The following ACSS3 variants were observed in gnomAD, a reference collection of about 807,000 sequenced individuals.
ACSS3 encodes acyl-CoA synthetase short-chain family member 3, mitochondrial.
In ACSS3, 64 loss-of-function variants were observed where a neutral mutation model predicts 84.2. The observed-to-expected ratio is 0.76, with a 90% CI of 0.62 to 0.94. ACSS3 has a LOEUF of 0.94. Ranked by LOEUF, ACSS3 falls within the 40% of genes least tolerant of loss-of-function variation. The pLI, the probability that ACSS3 is intolerant of heterozygous loss-of-function variation, is 0.00. For missense variants in ACSS3, 815 were observed against 867.6 expected (o/e 0.94, Z 0.76); for synonymous variants, 317 against 310.1 (o/e 1.02, Z -0.23).
rs1157157928 is a variant in ACSS3, at chr12:81,254,961, C to CTT, written c.*40_*41dup. 8 of 1,450,016 alleles carry CTT rather than the reference C, an allele frequency of 5.5e-6. No individual in the cohort carries two copies. Among genetic ancestry groups the CTT allele is most frequent in the Admixed American group, 4.4e-5 (2 of 45,036 alleles). The allele number at this position is 1,450,016 out of a possible 1,614,324, so 89.8% of individuals were successfully genotyped here. A position where few individuals can be genotyped will look rare whatever the true frequency, so the allele number is the denominator to read the frequency against. ...TTCCTATTTTGAGTTGATTTAATTT[C>CTT]TTAATTGAAATTAAATTATTTGAGT... is the stretch of plus-strand genomic sequence containing the variant. On this transcript the variant is annotated 3_prime_UTR_variant, in exon 16 of 16. Coordinates refer to ENST00000548058, the MANE Select transcript of ACSS3 (RefSeq NM_024560.4).
chr12:81,141,271 A>G (rs1448183331), intron 4 of ACSS3, among the ~76,000 whole-genome samples: 2 of 152,090 alleles, frequency 1.3e-5, no homozygotes, highest in Admixed American at 6.6e-5. Context: ...TGTTCTTTCT[A>G]TTAGACCTGC....
At chr12:81,105,849 A>G (rs1882947451) in intron 1 of ACSS3, among the ~76,000 whole-genome samples, 1 of 152,182 alleles carries the variant, frequency 6.6e-6, no homozygotes. Context: ...CAATGTTCTA[A>G]GTTAAGCTGT....
chr12:81,160,586 G>T (rs1460763954), intron 7 of ACSS3, among the ~76,000 whole-genome samples: 1 of 152,204 alleles, frequency 6.6e-6, no homozygotes, highest in African/African-American at 2.4e-5. Flanking sequence ...TCATTAAAAT[G>T]AGAGGGTTGA....
intron 9 of ACSS3, chr12:81,199,883 T>TC (rs2032023411): frequency 3.0e-6 from 1 of 335,296 alleles, no homozygotes. Flanking sequence ...TGCACACTGC[T>TC]CCCAGAGTCC....
At chr12:81,253,040 C>A (rs945574714) in intron 13 of ACSS3, among the ~76,000 whole-genome samples, 1 of 152,112 alleles carries the variant, frequency 6.6e-6, no homozygotes, top group Admixed American at 6.5e-5. Context: ...CCTTACTTTC[C>A]AGGTTAGCTG....
intron 13 of ACSS3, among the ~76,000 whole-genome samples, chr12:81,241,243 C>T (rs2033793327): frequency 6.6e-6 from 1 of 152,058 alleles, no homozygotes; most frequent in African/African-American, 2.4e-5. Flanking sequence ...CATTATTGGA[C>T]ATTTGGGTTG....
At chr12:81,200,321 A>G (rs528734452) in intron 9 of ACSS3, among the ~76,000 whole-genome samples, 1 of 152,278 alleles carries the variant, frequency 6.6e-6, no homozygotes, top group Admixed American at 6.5e-5. Context: ...TACATATTTT[A>G]TTTTAGTCCC....
chr12:81,188,739 A>G (rs1386544942), intron 8 of ACSS3, among the ~76,000 whole-genome samples: 2 of 152,064 alleles, frequency 1.3e-5, no homozygotes, highest in African/African-American at 4.8e-5. Context: ...CTTTATGAGT[A>G]TTTCAGTTTA....
intron 5 of ACSS3, among the ~76,000 whole-genome samples, chr12:81,147,606 G>A (rs1408098476): frequency 6.6e-6 from 1 of 152,126 alleles, no homozygotes. Context: ...TTTTTGCAAT[G>A]TCTTGAAGTA....
At chr12:81,161,927 T>G (rs990198739) in intron 7 of ACSS3, among the ~76,000 whole-genome samples, 6 of 152,160 alleles carry the variant, frequency 3.9e-5, no homozygotes, top group African/African-American at 1.4e-4. Context: ...TGGTGGCACA[T>G]GGAAGCTTGG....
chr12:81,213,957 C>CTCTT (rs59556127), intron 9 of ACSS3, among the ~76,000 whole-genome samples: 2,032 of 49,020 alleles, frequency 0.041, 80 homozygotes, highest in South Asian at 0.075. Flanking sequence ...CTCCCTCTCT[C>CTCTT]TCTTTCTTTC....
At chr12:81,238,336 A>G (rs554706357) in intron 13 of ACSS3, among the ~76,000 whole-genome samples, 3 of 151,792 alleles carry the variant, frequency 2.0e-5, no homozygotes, top group Non-Finnish European at 3.0e-5. Context: ...AACTTATTCT[A>G]TGGGGCCAGC....
At chr12:81,181,177 C>G (rs1383742458) in intron 8 of ACSS3, among the ~76,000 whole-genome samples, 1 of 152,118 alleles carries the variant, frequency 6.6e-6, no homozygotes, top group African/African-American at 2.4e-5. Context: ...AAGACAAGAA[C>G]AGTAGGATCT....
intron 9 of ACSS3, among the ~76,000 whole-genome samples, chr12:81,204,403 C>T (rs2032255523): frequency 6.7e-6 from 1 of 149,890 alleles, no homozygotes; most frequent in South Asian, 2.2e-4. Context: ...CTCCTTACCT[C>T]TCTTCCACCC....
chr12:81,243,659 G>A (rs2033886393), intron 13 of ACSS3, among the ~76,000 whole-genome samples: 1 of 152,132 alleles, frequency 6.6e-6, no homozygotes, highest in Non-Finnish European at 1.5e-5. Context: ...TACCAAAACA[G>A]AGATATAGAT....
At chr12:81,185,088 C>T (rs966866334) in intron 8 of ACSS3, among the ~76,000 whole-genome samples, 1 of 151,676 alleles carries the variant, frequency 6.6e-6, no homozygotes, top group Non-Finnish European at 1.5e-5. Context: ...ATAAATCTAT[C>T]AGTGTGATAC....
chr12:81,105,751 T>C (rs1882936825), intron 1 of ACSS3, among the ~76,000 whole-genome samples: 1 of 152,234 alleles, frequency 6.6e-6, no homozygotes. Flanking sequence ...AACAGTGTCA[T>C]ATTCTTCTTG....
At chr12:81,157,836 A>C (rs576260825) in intron 7 of ACSS3, among the ~76,000 whole-genome samples, 1 of 152,124 alleles carries the variant, frequency 6.6e-6, no homozygotes, top group African/African-American at 2.4e-5. Flanking sequence ...ATAAACAGAA[A>C]TATAGAGGAA....
chr12:81,129,679 G>T (rs2574738), intron 2 of ACSS3, among the ~76,000 whole-genome samples: 127,748 of 152,046 alleles, frequency 0.84, 55,895 homozygotes, highest in Non-Finnish European at 0.96. Context: ...ACAACGTGCA[G>T]GTTTGTTACA....
Sources: gnomAD v4.1 joint callset for allele counts (sites outside exome capture counted in the v4.1 genomes callset) on GRCh38, gnomAD v4.1.1 for gene constraint, MANE v1.5 for transcripts, NCBI Gene and HGNC (gene_info 2026-07-23, HGNC 2026-07-21) for gene names.